The following NUBPL variants were observed in gnomAD, a reference collection of about 807,000 sequenced individuals.
NUBPL encodes NUBP iron-sulfur cluster assembly factor, mitochondrial, also known as iron-sulfur cluster transfer protein NUBPL.
A neutral mutation model predicts 45.7 loss-of-function variants in NUBPL; 31 were observed. The observed-to-expected ratio is 0.68, with a 90% CI of 0.51 to 0.92. NUBPL has a LOEUF of 0.92. Among genes scored for constraint, NUBPL ranks in the 40% least tolerant of loss-of-function variants. The pLI, the probability that NUBPL is intolerant of heterozygous loss-of-function variation, is 0.00. For synonymous variants in NUBPL, 144 were observed against 140.9 expected (o/e 1.02, Z -0.15); for missense variants, 401 against 398.7 (o/e 1.01, Z -0.05).
At position 31,859,555 on chromosome 14, in the gene NUBPL, A is replaced by G. The variant is rs1036303551; in HGVS notation, c.*375A>G. The G allele has an allele frequency of 3.0e-6, 1 of 337,692 alleles. No individual in the cohort carries two copies. The allele number at this position is 337,692 out of a possible 1,614,324, so 20.9% of individuals were successfully genotyped here. On this transcript the variant is annotated 3_prime_UTR_variant, in exon 11 of 11. Transcript: ENST00000281081. ...TGATATACTAAATTTGTGTATGGGC[A>G]TAAGTATTACGCCTTCCCACCAGGC...
chr14:31,575,861 A>T (rs2033703591), intron 3 of NUBPL, among the ~76,000 whole-genome samples: 1 of 152,222 alleles, frequency 6.6e-6, no homozygotes, highest in African/African-American at 2.4e-5. Flanking sequence ...AAGCTAGAGC[A>T]GAAACCAGGG....
intron 6 of NUBPL, among the ~76,000 whole-genome samples, chr14:31,697,314 G>A (rs1240445102): frequency 6.6e-6 from 1 of 152,176 alleles, no homozygotes; most frequent in Non-Finnish European, 1.5e-5. Flanking sequence ...AATGTGCCAA[G>A]CCAGTGAAAT....
At chr14:31,653,290 T>C (rs527583126) in intron 4 of NUBPL, among the ~76,000 whole-genome samples, 2 of 151,582 alleles carry the variant, frequency 1.3e-5, no homozygotes, top group African/African-American at 4.8e-5. Flanking sequence ...CAGGGTGGGG[T>C]TTTTCCCCAC....
chr14:31,809,567 G>C (rs1445010429), intron 7 of NUBPL, among the ~76,000 whole-genome samples: 1 of 152,072 alleles, frequency 6.6e-6, no homozygotes, highest in African/African-American at 2.4e-5. Flanking sequence ...CAAAAAACCA[G>C]CTCCTGGATT....
At chr14:31,816,685 C>G (rs1049710641) in intron 7 of NUBPL, among the ~76,000 whole-genome samples, 1 of 152,150 alleles carries the variant, frequency 6.6e-6, no homozygotes, top group Admixed American at 6.6e-5. Flanking sequence ...AAATTTCCCT[C>G]TAAACACCAC....
chr14:31,657,445 A>G (rs1377298538), intron 4 of NUBPL, among the ~76,000 whole-genome samples: 1 of 152,208 alleles, frequency 6.6e-6, no homozygotes, highest in East Asian at 1.9e-4. Context: ...GGTTTATATA[A>G]GTCTTATAGC....
intron 4 of NUBPL, among the ~76,000 whole-genome samples, chr14:31,669,059 C>T (rs1181559718): frequency 6.6e-6 from 1 of 152,166 alleles, no homozygotes; most frequent in Admixed American, 6.5e-5. Flanking sequence ...GTTGGGGTCT[C>T]ACTATGTTAC....
At chr14:31,614,081 G>A (rs1271992556) in intron 4 of NUBPL, among the ~76,000 whole-genome samples, 3 of 151,960 alleles carry the variant, frequency 2.0e-5, no homozygotes, top group African/African-American at 4.8e-5. Flanking sequence ...TTATGGATGG[G>A]GCTTATGGGG....
intron 3 of NUBPL, among the ~76,000 whole-genome samples, chr14:31,586,270 G>A (rs1047737948): frequency 1.3e-5 from 2 of 152,136 alleles, no homozygotes; most frequent in African/African-American, 4.8e-5. Flanking sequence ...TACATAGAAG[G>A]AAGAATGTGG....
In NUBPL at chr14:31,636,927, A is replaced by G. The variant is rs184570405; in HGVS notation, c.383-36428A>G. On this transcript the variant is annotated intron_variant, in intron 4 of 10. Coordinates refer to ENST00000281081, the MANE Select transcript of NUBPL (RefSeq NM_025152.3). ...TGGTAGTTTGTATTTCTGTGGGATC[A>G]GTGGTGATATCCCATTTATCATTTT... Among the ~76,000 whole-genome samples, 1,290 of 152,186 alleles carry G rather than the reference A, an allele frequency of 8.5e-3. 22 individuals are homozygous for G. The highest frequency in any genetic ancestry group is 0.029 in the African/African-American group (1,203 of 41,530).
intron 7 of NUBPL, among the ~76,000 whole-genome samples, chr14:31,799,324 G>C (rs966839338): frequency 6.6e-6 from 1 of 152,040 alleles, no homozygotes; most frequent in Non-Finnish European, 1.5e-5. Flanking sequence ...TATCTTATTT[G>C]ATCCTTACAA....
intron 6 of NUBPL, among the ~76,000 whole-genome samples, chr14:31,688,078 C>CTT (rs2036996438): frequency 6.6e-6 from 1 of 151,948 alleles, no homozygotes; most frequent in Non-Finnish European, 1.5e-5. Flanking sequence ...CCTGTAGACT[C>CTT]TAATATTATT....
chr14:31,695,514 AG>A (rs1251931519), intron 6 of NUBPL, among the ~76,000 whole-genome samples: 7 of 152,064 alleles, frequency 4.6e-5, no homozygotes, highest in African/African-American at 7.2e-5. Context: ...CAGTGTTGGG[AG>A]GTGGGGCCTA....
At chr14:31,727,370 C>G (rs941213706) in intron 6 of NUBPL, among the ~76,000 whole-genome samples, 10 of 152,000 alleles carry the variant, frequency 6.6e-5, no homozygotes, top group Admixed American at 3.3e-4. Flanking sequence ...ACCTTGACAA[C>G]CATTATATGT....
intron 7 of NUBPL, 60 bp downstream of exon 7, chr14:31,787,933 C>T: frequency 8.8e-7 from 1 of 1,137,022 alleles, no homozygotes; most frequent in East Asian, 2.4e-5. Context: ...ATTGCTATAC[C>T]AAAAAACAAA....
intron 6 of NUBPL, among the ~76,000 whole-genome samples, chr14:31,692,827 T>C (rs1035633284): frequency 1.3e-5 from 2 of 152,192 alleles, no homozygotes; most frequent in African/African-American, 4.8e-5. Context: ...CCTAAGTACC[T>C]CTCATGGGAA....
At chr14:31,603,212 A>G (rs765087290) in intron 4 of NUBPL, among the ~76,000 whole-genome samples, 2 of 150,894 alleles carry the variant, frequency 1.3e-5, no homozygotes, top group Non-Finnish European at 3.0e-5. Flanking sequence ...TGGTAAGAGG[A>G]TCACTTGAGT....
At chr14:31,686,934 C>T (rs1282840172) in intron 6 of NUBPL, 1 of 152,160 alleles carries the variant, frequency 6.6e-6, no homozygotes, top group African/African-American at 2.4e-5. Context: ...CGTGCGACAT[C>T]GCAAGACTCT....
rs1043298412 is a variant in NUBPL at position 31,754,611 on chromosome 14, T to G, written c.514-33169T>G. Among the ~76,000 whole-genome samples, 3 of 119,082 alleles carry G rather than the reference T, an allele frequency of 2.5e-5. No homozygotes were observed. The South Asian group carries it at 8.1e-4, about 32-fold the overall frequency. 78.1% of individuals were successfully genotyped at this position (119,082 alleles called of 152,430 possible). A position where few individuals can be genotyped will look rare whatever the true frequency, so the allele number is the denominator to read the frequency against. ...GTTTTCTTTTTTTTTTTTTTTTTTTTTCTATTTGAGATCTTGCCAATAGAT... is the reference window on the plus strand; with the variant it reads ...GTTTTCTTTTTTTTTTTTTTTTTTTGTCTATTTGAGATCTTGCCAATAGAT... On this transcript the variant is annotated intron_variant, in intron 6 of 10. Coordinates refer to ENST00000281081, the MANE Select transcript of NUBPL (RefSeq NM_025152.3).
Sources: allele counts gnomAD v4.1 joint callset (sites outside exome capture counted in the v4.1 genomes callset), GRCh38; gene constraint gnomAD v4.1.1; transcripts MANE v1.5; gene names NCBI Gene and HGNC (gene_info 2026-07-23, HGNC 2026-07-21).